The following SNTB2 variants were observed in gnomAD, a reference collection of about 807,000 sequenced individuals.
SNTB2 encodes syntrophin beta 2.
In SNTB2, 34 loss-of-function variants were observed where a neutral mutation model predicts 46.2. That is an observed-to-expected ratio of 0.74 (90% confidence interval 0.56 to 0.98). SNTB2 has a LOEUF of 0.98. Ranked by LOEUF, SNTB2 falls within the 50% of genes least tolerant of loss-of-function variation. The probability of loss-of-function intolerance (pLI) is 0.00; values close to 1 mark genes in which losing one functional copy is unlikely to be tolerated. For synonymous variants in SNTB2, 290 were observed against 312.6 expected, an observed-to-expected ratio of 0.93 and a Z score of 0.76; for missense variants, 603 against 731.4, an observed-to-expected ratio of 0.82 and a Z score of 2.02.
At chr16:69,281,337 T>C (rs1965042109) in intron 4 of SNTB2, among the ~76,000 whole-genome samples, 1 of 151,980 alleles carries the variant, frequency 6.6e-6, no homozygotes, top group South Asian at 2.1e-4. Flanking sequence ...GTTCAAGCGA[T>C]TCTCCTGTCT....
chr16:69,211,678 G>C (rs995095050), intron 1 of SNTB2, among the ~76,000 whole-genome samples: 1 of 152,156 alleles, frequency 6.6e-6, no homozygotes, highest in African/African-American at 2.4e-5. Flanking sequence ...GATAACCTGA[G>C]CAGCTGTCTT....
At chr16:69,248,097 T>G (rs1409185474) in intron 2 of SNTB2, among the ~76,000 whole-genome samples, 2 of 152,218 alleles carry the variant, frequency 1.3e-5, no homozygotes, top group Non-Finnish European at 2.9e-5. Context: ...CACTGTAGCC[T>G]GGGTGACAGA....
At chr16:69,188,806 A>G (rs1267118681) in intron 1 of SNTB2, among the ~76,000 whole-genome samples, 1 of 152,242 alleles carries the variant, frequency 6.6e-6, no homozygotes, top group Non-Finnish European at 1.5e-5. Context: ...AAAGGAATGA[A>G]GTTGGTGATT....
chr16:69,215,417 C>T (rs12373116), intron 1 of SNTB2, among the ~76,000 whole-genome samples: 3,551 of 152,178 alleles, frequency 0.023, 61 homozygotes, highest in Middle Eastern at 0.041. Context: ...TGAGATGTTT[C>T]CTATTAAAGA....
At chr16:69,207,940 C>T (rs955662834) in intron 1 of SNTB2, among the ~76,000 whole-genome samples, 17 of 136,252 alleles carry the variant, frequency 1.2e-4, no homozygotes, top group Non-Finnish European at 2.7e-4. Flanking sequence ...AAACCCCCAT[C>T]TCAACTAAAA....
chr16:69,299,146 C>CTT (rs375905717), intron 5 of SNTB2, among the ~76,000 whole-genome samples: 7 of 138,706 alleles, frequency 5.0e-5, no homozygotes, highest in Non-Finnish European at 3.2e-5. Context: ...AAACACACTT[C>CTT]TTTTTTTTTT....
At position 69,301,216 on chromosome 16, in the gene SNTB2, C is replaced by T. The variant is rs1385120464; in HGVS notation, c.*292C>T. The stretch of plus-strand genomic sequence containing the variant: ...TTATTTCTACTGCTAAAAAGAATGG[C>T]TCATTGTTTTCTTTTTTTTTCATTG... On this transcript the variant is annotated 3_prime_UTR_variant, in exon 7 of 7. Transcript: ENST00000336278. 8.0e-6 allele frequency: 2 copies of T among 251,170 alleles called. No homozygotes were observed. Among genetic ancestry groups the T allele is most frequent in the East Asian group, 7.4e-5 (1 of 13,434 alleles). The allele number at this position is 251,170 out of a possible 1,614,324, so 15.6% of individuals were successfully genotyped here. A position where few individuals can be genotyped will look rare whatever the true frequency, so the allele number is the denominator to read the frequency against.
At chr16:69,229,473 A>AT (rs546123559) in intron 1 of SNTB2, among the ~76,000 whole-genome samples, 9,266 of 131,044 alleles carry the variant, frequency 0.071, 363 homozygotes, top group African/African-American at 0.087. Flanking sequence ...GCCTGCCTGA[A>AT]TTTTTTTTTT....
At chr16:69,258,018 A>T (rs1187555119) in intron 2 of SNTB2, among the ~76,000 whole-genome samples, 4 of 152,272 alleles carry the variant, frequency 2.6e-5, no homozygotes, top group Non-Finnish European at 5.9e-5. Context: ...ATGACAATTT[A>T]AAGTATTTGG....
chr16:69,274,273 C>A (rs1024309903), intron 4 of SNTB2, among the ~76,000 whole-genome samples: 45 of 150,842 alleles, frequency 3.0e-4, no homozygotes, highest in African/African-American at 1.1e-3. Context: ...TACTGCACCA[C>A]TGCACTCTAG....
At chr16:69,219,713 ATTTTATTTTGTTTTGTTTTGTTTTG>A (rs1236858918) in intron 1 of SNTB2, among the ~76,000 whole-genome samples, 8 of 148,416 alleles carry the variant, frequency 5.4e-5, no homozygotes, top group African/African-American at 1.8e-4. Flanking sequence ...ACCAGATTTT[ATTTTATTTTGTTTTGTTTTGTTTTG>A]TTTTGTTTTG....
rs995819574 is a variant in SNTB2, at chr16:69,306,009, G to A, written c.*5085G>A. On this transcript the variant is annotated 3_prime_UTR_variant, in exon 7 of 7. Transcript: ENST00000336278. Reference sequence around the variant, plus strand: ...TAAAATAATTATGCTATATATCAGGGTTCTGTATTTTTGAGCAATATCATT... The same window carrying A: ...TAAAATAATTATGCTATATATCAGGATTCTGTATTTTTGAGCAATATCATT... 2.0e-5 allele frequency: 3 copies of A among 151,894 alleles called. No homozygotes were observed. The highest frequency in any genetic ancestry group is 7.3e-5 in the African/African-American group (3 of 41,334). The allele number at this position is 151,894 out of a possible 1,614,324, so 9.4% of individuals were successfully genotyped here.
intron 1 of SNTB2, among the ~76,000 whole-genome samples, chr16:69,233,692 C>T (rs746161900): frequency 6.6e-6 from 1 of 151,962 alleles, no homozygotes; most frequent in Non-Finnish European, 1.5e-5. Flanking sequence ...AGTTCCCTTG[C>T]CAAGTGTGGT....
chr16:69,252,821 ATAT>A (rs1251603648), intron 2 of SNTB2, among the ~76,000 whole-genome samples: 1 of 151,940 alleles, frequency 6.6e-6, no homozygotes, highest in Non-Finnish European at 1.5e-5. Flanking sequence ...GATTGTCTCC[ATAT>A]TTTTATTAGC....
chr16:69,190,195 G>A (rs1035563716), intron 1 of SNTB2, among the ~76,000 whole-genome samples: 1 of 152,172 alleles, frequency 6.6e-6, no homozygotes, highest in Non-Finnish European at 1.5e-5. Context: ...AAAGTTTTCA[G>A]GCTGTACCAT....
chr16:69,270,176 C>A lies in SNTB2; in HGVS notation c.1039C>A (p.Pro347Thr). Reference protein sequence around the residue: ...KLDGGRQQWRPVLMAVTEKDL... With the variant: ...KLDGGRQQWRTVLMAVTEKDL... ...AGATGGTGGAAGACAGCAATGGAGACCTGTCCTCATGGCTGTGACTGAGAA... is the reference window on the plus strand; with the variant it reads ...AGATGGTGGAAGACAGCAATGGAGAACTGTCCTCATGGCTGTGACTGAGAA... Residue 347 changes from proline to threonine, a missense_variant, in exon 4 of 7, where the codon CCT becomes ACT. This residue lies in a region of SNTB2 where 537 missense variants were observed against 692.4 expected (regional missense o/e 0.78). Coordinates refer to ENST00000336278, the MANE Select transcript of SNTB2 (RefSeq NM_006750.4). 1 of 1,614,106 alleles carries A rather than the reference C, an allele frequency of 6.2e-7. No individual in the cohort carries two copies. Among genetic ancestry groups the A allele is most frequent in the Non-Finnish European group, 8.5e-7 (1 of 1,180,012 alleles).
At chr16:69,227,914 G>A (rs962803401) in intron 1 of SNTB2, among the ~76,000 whole-genome samples, 5 of 144,210 alleles carry the variant, frequency 3.5e-5, no homozygotes, top group Non-Finnish European at 6.0e-5. Context: ...CTGGAGTTCA[G>A]TGGCATGATC....
chr16:69,264,310 G>T (rs1964864989), intron 3 of SNTB2, among the ~76,000 whole-genome samples: 1 of 152,154 alleles, frequency 6.6e-6, no homozygotes, highest in Non-Finnish European at 1.5e-5. Flanking sequence ...GACATGAGTG[G>T]TGAGTTGGCT....
chr16:69,292,369 T>TAA (rs1338051003), intron 5 of SNTB2, among the ~76,000 whole-genome samples: 1 of 32,408 alleles, frequency 3.1e-5, no homozygotes, highest in African/African-American at 1.5e-4. Flanking sequence ...TATATATATA[T>TAA]ATATATATAT....
Sources: allele counts gnomAD v4.1 joint callset (sites outside exome capture counted in the v4.1 genomes callset), GRCh38; gene constraint gnomAD v4.1.1; regional missense constraint gnomAD v4.1.1; transcripts MANE v1.5; gene names NCBI Gene and HGNC (gene_info 2026-07-23, HGNC 2026-07-21).